Variants in SYNDIG1L observed in about 807,000 individuals in gnomAD.
SYNDIG1L encodes synapse differentiation inducing 1 like, also known as synapse differentiation-inducing gene protein 1-like.
A neutral mutation model predicts 20.1 loss-of-function variants in SYNDIG1L; 13 were observed. That is an observed-to-expected ratio of 0.65 (90% CI 0.42 to 1.03). The LOEUF (loss-of-function observed/expected upper bound fraction) is 1.03. Ranked by LOEUF, SYNDIG1L falls within the 50% of genes least tolerant of loss-of-function variation. The pLI, the probability that SYNDIG1L is intolerant of heterozygous loss-of-function variation, is 0.00. For synonymous variants in SYNDIG1L, 128 were observed against 129.3 expected (o/e 0.99, Z 0.07); for missense variants, 294 against 305.1 (o/e 0.96, Z 0.27).
At chr14:74,414,815 G>T (rs1010363408) in intron 1 of SYNDIG1L, among the ~76,000 whole-genome samples, 7 of 152,082 alleles carry the variant, frequency 4.6e-5, no homozygotes, top group African/African-American at 1.7e-4. Context: ...TTTCAGCTGG[G>T]GCAGACTAAG....
the SYNDIG1L span, among the ~76,000 whole-genome samples, chr14:74,459,432 AG>A: frequency 0.022 from 3,297 of 152,256 alleles, 148 homozygotes; most frequent in African/African-American, 0.075. Flanking sequence ...TGAGAGTGGG[AG>A]GCGGAGGTTG....
At chr14:74,432,998 A>G in the SYNDIG1L span, among the ~76,000 whole-genome samples, 6 of 152,258 alleles carry the variant, frequency 3.9e-5, no homozygotes, top group Non-Finnish European at 7.3e-5. Context: ...AACATTTACT[A>G]TAAAATATGA....
At chr14:74,418,473 C>A (rs997499527) in intron 1 of SYNDIG1L, among the ~76,000 whole-genome samples, 1 of 152,216 alleles carries the variant, frequency 6.6e-6, no homozygotes, top group Non-Finnish European at 1.5e-5. Context: ...TAGTCTCCCT[C>A]ACTTAAAAAA....
chr14:74,439,671 G>C, the SYNDIG1L span, among the ~76,000 whole-genome samples: 1 of 151,848 alleles, frequency 6.6e-6, no homozygotes, highest in Non-Finnish European at 1.5e-5. Flanking sequence ...ACCTGAGGTC[G>C]GGAGTTCGAG....
At chr14:74,460,466 T>C in the SYNDIG1L span, among the ~76,000 whole-genome samples, 1 of 152,190 alleles carries the variant, frequency 6.6e-6, no homozygotes, top group Non-Finnish European at 1.5e-5. Context: ...TCTGGAATGT[T>C]AGATCCAAAT....
the SYNDIG1L span, among the ~76,000 whole-genome samples, chr14:74,432,176 TGTGTGA>T: frequency 9.3e-5 from 13 of 140,016 alleles, no homozygotes; most frequent in Admixed American, 1.5e-4. Flanking sequence ...TGTGTGTGTG[TGTGTGA>T]GAGAGAGAGA....
upstream of SYNDIG1L, among the ~76,000 whole-genome samples, chr14:74,427,949 A>G (rs936707430): frequency 1.3e-5 from 2 of 152,244 alleles, no homozygotes; most frequent in African/African-American, 4.8e-5. Context: ...CCTGGGCTGC[A>G]TACTGAAATA....
the SYNDIG1L span, among the ~76,000 whole-genome samples, chr14:74,468,203 C>T: frequency 6.6e-6 from 1 of 152,112 alleles, no homozygotes; most frequent in East Asian, 1.9e-4. Flanking sequence ...GACTCTGCCT[C>T]CATCACAAAG....
chr14:74,421,236 C>T (rs540962294), intron 1 of SYNDIG1L, among the ~76,000 whole-genome samples: 1 of 151,944 alleles, frequency 6.6e-6, no homozygotes, highest in Non-Finnish European at 1.5e-5. Flanking sequence ...TAAAAATAAT[C>T]GCCGAAATTT....
At chr14:74,414,371 T>A (rs891295561) in intron 1 of SYNDIG1L, among the ~76,000 whole-genome samples, 44 of 152,084 alleles carry the variant, frequency 2.9e-4, no homozygotes, top group African/African-American at 1.0e-3. Flanking sequence ...GGTCCCACAA[T>A]GGGAGAGGGA....
the SYNDIG1L span, among the ~76,000 whole-genome samples, chr14:74,475,756 C>T: frequency 6.6e-6 from 1 of 152,176 alleles, no homozygotes; most frequent in South Asian, 2.1e-4. Context: ...GTCTCTAAAG[C>T]AAATGTCTTG....
the SYNDIG1L span, among the ~76,000 whole-genome samples, chr14:74,456,985 G>A: frequency 6.6e-6 from 1 of 152,200 alleles, no homozygotes; most frequent in Non-Finnish European, 1.5e-5. Flanking sequence ...CTATCAGGAG[G>A]CGTATTTAAT....
chr14:74,442,036 A>G, the SYNDIG1L span, among the ~76,000 whole-genome samples: 3 of 152,200 alleles, frequency 2.0e-5, no homozygotes, highest in African/African-American at 4.8e-5. Flanking sequence ...TTAGCTGGGT[A>G]CATGACTTAA....
At chr14:74,462,776 A>G in the SYNDIG1L span, among the ~76,000 whole-genome samples, 1 of 152,136 alleles carries the variant, frequency 6.6e-6, no homozygotes, top group African/African-American at 2.4e-5. Flanking sequence ...AAAGTGCTGC[A>G]ATTACAGGTA....
intron 1 of SYNDIG1L, among the ~76,000 whole-genome samples, chr14:74,410,720 C>T (rs956132647): frequency 2.0e-5 from 3 of 152,060 alleles, no homozygotes; most frequent in Admixed American, 6.5e-5. Flanking sequence ...AATGGGAGCG[C>T]GCTGAGTCCA....
At chr14:74,448,185 T>C in the SYNDIG1L span, among the ~76,000 whole-genome samples, 1 of 152,062 alleles carries the variant, frequency 6.6e-6, no homozygotes, top group Non-Finnish European at 1.5e-5. Context: ...TATAAATAAA[T>C]AGTCCAACTA....
At chr14:74,413,551 G>A (rs1003989941) in intron 1 of SYNDIG1L, among the ~76,000 whole-genome samples, 22 of 151,198 alleles carry the variant, frequency 1.5e-4, no homozygotes, top group African/African-American at 5.4e-4. Flanking sequence ...AGGGGTGGGA[G>A]CACAGGTGCT....
At chr14:74,457,083 T>C in the SYNDIG1L span, among the ~76,000 whole-genome samples, 2 of 152,190 alleles carry the variant, frequency 1.3e-5, no homozygotes, top group Admixed American at 6.5e-5. Context: ...GCCCAAGGCC[T>C]TCAAAGAGAT....
intron 1 of SYNDIG1L, among the ~76,000 whole-genome samples, chr14:74,412,910 ACCAT>A (rs1221972170): frequency 6.6e-6 from 1 of 152,072 alleles, no homozygotes; most frequent in African/African-American, 2.4e-5. Context: ...CTGTGCTGTC[ACCAT>A]CCATGTGGGC....
Sources: gnomAD v4.1 joint callset for allele counts (sites outside exome capture counted in the v4.1 genomes callset) on GRCh38, gnomAD v4.1.1 for gene constraint, MANE v1.5 for transcripts, NCBI Gene and HGNC (gene_info 2026-07-23, HGNC 2026-07-21) for gene names.